Variants in SPRED1 observed in about 807,000 individuals in gnomAD.
The protein encoded by SPRED1 is sprouty related EVH1 domain containing 1, also known as sprouty-related, EVH1 domain-containing protein 1.
SPRED1 carries 18 observed loss-of-function variants against 52.3 expected under a neutral mutation model. The ratio of observed to expected loss-of-function variants is 0.34; its 90% CI spans 0.24 to 0.51. The LOEUF is 0.51. Among genes scored for constraint, SPRED1 ranks in the 20% least tolerant of loss-of-function variants. The probability of loss-of-function intolerance (pLI) is 0.97; values close to 1 mark genes in which losing one functional copy is unlikely to be tolerated. For synonymous variants in SPRED1, 155 were observed against 179.7 expected, an observed-to-expected ratio of 0.86 and a Z score of 1.10; for missense variants, 485 against 551.0, an observed-to-expected ratio of 0.88 and a Z score of 1.20.
chr15:38,262,738 A>G (rs1463754713), intron 1 of SPRED1, among the ~76,000 whole-genome samples: 1 of 152,220 alleles, frequency 6.6e-6, no homozygotes, highest in African/African-American at 2.4e-5. Flanking sequence ...TTTCTTGAAA[A>G]GTTGAATATT....
At chr15:38,333,625 A>G (rs1895850434) in intron 4 of SPRED1, among the ~76,000 whole-genome samples, 1 of 152,154 alleles carries the variant, frequency 6.6e-6, no homozygotes, top group African/African-American at 2.4e-5. Flanking sequence ...GACAGTACCT[A>G]GTCTTGGTAA....
intron 1 of SPRED1, among the ~76,000 whole-genome samples, chr15:38,286,914 CTT>C: frequency 6.6e-6 from 1 of 152,140 alleles, no homozygotes; most frequent in South Asian, 2.1e-4. Flanking sequence ...CCTCTTTTCT[CTT>C]TTTATGTATT....
At chr15:38,341,059 C>G (rs1896021452) in intron 5 of SPRED1, among the ~76,000 whole-genome samples, 1 of 142,478 alleles carries the variant, frequency 7.0e-6, no homozygotes, top group African/African-American at 2.6e-5. Context: ...AGACACAGGA[C>G]TATTCACCTT....
At chr15:38,258,022 A>G (rs1223671467) in intron 1 of SPRED1, among the ~76,000 whole-genome samples, 1 of 152,222 alleles carries the variant, frequency 6.6e-6, no homozygotes, top group Non-Finnish European at 1.5e-5. Flanking sequence ...GAACGACATT[A>G]AAAATGCCAA....
At chr15:38,312,586 T>C (rs974858348) in intron 2 of SPRED1, among the ~76,000 whole-genome samples, 1 of 152,132 alleles carries the variant, frequency 6.6e-6, no homozygotes, top group East Asian at 1.9e-4. Flanking sequence ...ATTTCCAAGA[T>C]GTCCTGGTGG....
chr15:38,292,288 C>T (rs1302466254), intron 1 of SPRED1, among the ~76,000 whole-genome samples: 1 of 152,118 alleles, frequency 6.6e-6, no homozygotes, highest in South Asian at 2.1e-4. Flanking sequence ...TTGTCAAAGC[C>T]ATTCTCCCAC....
intron 2 of SPRED1, among the ~76,000 whole-genome samples, chr15:38,310,063 T>A (rs1895330472): frequency 6.6e-6 from 1 of 152,002 alleles, no homozygotes; most frequent in Non-Finnish European, 1.5e-5. Flanking sequence ...TTCTCAATAT[T>A]GTTTTAGCTA....
At chr15:38,253,729 T>C (rs762782288) in intron 1 of SPRED1, among the ~76,000 whole-genome samples, 13 of 152,268 alleles carry the variant, frequency 8.5e-5, no homozygotes, top group Middle Eastern at 3.4e-3. Flanking sequence ...TTTAAACTTA[T>C]GACCTGTAAG....
Position 38,351,355 on chromosome 15 carries a change from T to C in SPRED1, c.1026T>C (p.Phe342=). ...GCTGCGTATACTGCCAGGAAAGGTT[T>C]AATCATGAAGAAAATGTTAGGGGAA... ...RSRCVYCQER[F]NHEENVRGKC... is the part of the protein sequence containing the mutation. The change falls in exon 7 of 7, where the codon TTT becomes TTC. Residue 342 remains phenylalanine, a synonymous_variant. Coordinates refer to ENST00000299084, the MANE Select transcript of SPRED1 (RefSeq NM_152594.3). The C allele has an allele frequency of 6.2e-7, 1 of 1,614,168 alleles. No individual in the cohort carries two copies. The highest frequency in any genetic ancestry group is 1.3e-5 in the African/African-American group (1 of 75,050).
At chr15:38,325,011 T>C (rs1298284222) in intron 4 of SPRED1, among the ~76,000 whole-genome samples, 1 of 152,170 alleles carries the variant, frequency 6.6e-6, no homozygotes, top group Admixed American at 6.5e-5. Context: ...TCTGAAACTT[T>C]TTTTCTTTTT....
intron 1 of SPRED1, among the ~76,000 whole-genome samples, chr15:38,282,959 C>T (rs993879370): frequency 6.6e-6 from 1 of 151,886 alleles, no homozygotes; most frequent in African/African-American, 2.4e-5. Flanking sequence ...CTTGTAAGTT[C>T]TAGTGTATTT....
At chr15:38,266,071 C>T (rs932687968) in intron 1 of SPRED1, among the ~76,000 whole-genome samples, 5 of 152,130 alleles carry the variant, frequency 3.3e-5, no homozygotes, top group East Asian at 1.9e-4. Flanking sequence ...AGCAAAAATA[C>T]GTTTACATTT....
At chr15:38,295,501 T>A (rs1895017515) in intron 1 of SPRED1, among the ~76,000 whole-genome samples, 1 of 152,142 alleles carries the variant, frequency 6.6e-6, no homozygotes, top group Non-Finnish European at 1.5e-5. Flanking sequence ...CTGTTGTACG[T>A]GGAGTCTGTT....
intron 2 of SPRED1, among the ~76,000 whole-genome samples, chr15:38,321,071 T>A (rs1213168597): frequency 6.6e-6 from 1 of 152,222 alleles, no homozygotes; most frequent in Non-Finnish European, 1.5e-5. Context: ...GAGATCACCA[T>A]ACTGTGATTA....
intron 1 of SPRED1, among the ~76,000 whole-genome samples, chr15:38,260,911 T>C (rs1404804827): frequency 6.6e-6 from 1 of 152,090 alleles, no homozygotes; most frequent in Non-Finnish European, 1.5e-5. Flanking sequence ...AACTCCAACA[T>C]ACAGCTAACA....
At chr15:38,284,980 A>C (rs1349251336) in intron 1 of SPRED1, among the ~76,000 whole-genome samples, 3 of 151,930 alleles carry the variant, frequency 2.0e-5, no homozygotes, top group Non-Finnish European at 4.4e-5. Context: ...CATGTGTTTT[A>C]TGAGCCACAC....
intron 2 of SPRED1, among the ~76,000 whole-genome samples, chr15:38,319,944 C>A (rs1013569713): frequency 4.8e-4 from 73 of 152,232 alleles, no homozygotes; most frequent in African/African-American, 1.7e-3. Flanking sequence ...ACTCAACATG[C>A]CATCATTGCA....
intron 2 of SPRED1, among the ~76,000 whole-genome samples, chr15:38,302,904 C>T (rs187435934): frequency 3.9e-5 from 6 of 152,150 alleles, no homozygotes; most frequent in Admixed American, 3.9e-4. Flanking sequence ...TGGCTCATAC[C>T]TGTAATCTCA....
intron 2 of SPRED1, among the ~76,000 whole-genome samples, chr15:38,312,231 T>TA (rs1271479250): frequency 6.6e-6 from 1 of 152,156 alleles, no homozygotes; most frequent in Non-Finnish European, 1.5e-5. Context: ...TCGTAACTGT[T>TA]AAAGTCTTAG....
Sources: gnomAD v4.1 joint callset for allele counts (sites outside exome capture counted in the v4.1 genomes callset) on GRCh38, gnomAD v4.1.1 for gene constraint, MANE v1.5 for transcripts, NCBI Gene and HGNC (gene_info 2026-07-23, HGNC 2026-07-21) for gene names.